ASS1: variants seen among roughly 807,000 people sequenced by gnomAD.
The protein encoded by ASS1 is argininosuccinate synthase 1, also known as argininosuccinate synthase.
Under a neutral mutation model 60.5 loss-of-function variants are expected in ASS1, and 58 were observed. That is an observed-to-expected ratio of 0.96 (90% CI 0.78 to 1.19). The LOEUF is 1.19. Among genes scored for constraint, ASS1 ranks in the 50% most tolerant of loss-of-function variants. The pLI is 0.00. For missense variants in ASS1, 454 were observed against 547.3 expected (o/e 0.83, Z 1.70); for synonymous variants, 200 against 206.9 (o/e 0.97, Z 0.29).
chr9:130,490,148 C>G (rs1022096362), intron 12 of ASS1, among the ~76,000 whole-genome samples: 1 of 152,192 alleles, frequency 6.6e-6, no homozygotes, highest in African/African-American at 2.4e-5. Context: ...GTGAGGAGCC[C>G]GGGTTTCCAT....
chr9:130,497,589 C>T (rs1846636563), intron 13 of ASS1, among the ~76,000 whole-genome samples: 1 of 152,186 alleles, frequency 6.6e-6, no homozygotes, highest in Non-Finnish European at 1.5e-5. Flanking sequence ...CCTGAGAAAC[C>T]CCTCTTGGAA....
chr9:130,457,583 C>G (rs1845475494), intron 3 of ASS1, among the ~76,000 whole-genome samples: 1 of 152,186 alleles, frequency 6.6e-6, no homozygotes, highest in African/African-American at 2.4e-5. Context: ...TCAGTCTTGG[C>G]CTTGTTCCCG....
chr9:130,489,347 C>T lies in ASS1; in HGVS notation c.853C>T (p.Pro285Ser), dbSNP rs1414109637. The T allele has an allele frequency of 2.5e-6, 4 of 1,613,912 alleles. No individual in the cohort carries two copies. Among genetic ancestry groups the T allele is most frequent in the African/African-American group, 1.3e-5 (1 of 74,952 alleles). Residue 285 changes from proline (P) to serine (S), a missense_variant, in exon 12 of 15, where the codon CCA becomes TCA. By Grantham distance (74) the Pro-to-Ser change is moderately conservative. Transcript: ENST00000352480. The surrounding 1 kb of genome is among the most constrained non-coding windows in gnomAD (Gnocchi z 4.1). The stretch of plus-strand genomic sequence containing the variant: ...AAAATGGCTAGGTATCTACGAGACC[C>T]CAGCAGGCACCATCCTTTACCATGC... ...GMKSRGIYET[P>S]AGTILYHAHL...
At chr9:130,465,619 T>C (rs1564907131) in intron 5 of ASS1, among the ~76,000 whole-genome samples, 1 of 152,214 alleles carries the variant, frequency 6.6e-6, no homozygotes, top group Non-Finnish European at 1.5e-5. Context: ...CGCTTTGGGC[T>C]CAAGCTCTGG....
Position 130,474,010 on chromosome 9 carries a change from C to T in ASS1, c.597+2495C>T, listed in dbSNP as rs1465567016. Among the ~76,000 whole-genome samples the T allele has an allele frequency of 1.1e-4, 13 of 116,688 alleles. No homozygotes were observed. In the South Asian group the frequency reaches 5.1e-3, roughly 46 times the overall value. The allele number at this position is 116,688 out of a possible 152,430, so 76.6% of individuals were successfully genotyped here. On this transcript the variant is annotated intron_variant, in intron 8 of 14. Transcript: ENST00000352480. The stretch of plus-strand genomic sequence containing the variant: ...CTTTCTTTCGCCCTCTCCCCCTAGC[C>T]CCCACCCCGACTCTCTCTCTCTCTT...
chr9:130,477,026 C>A lies in ASS1; in HGVS notation c.688+65C>A. ...TTGGGGCCCTGGCTCCTTTCCCCTC[C>A]CTGCCTGGGAACCTAGGCCCTCTTT... On this transcript the variant is annotated intron_variant, in intron 9 of 14. Coordinates refer to ENST00000352480, the MANE Select transcript of ASS1 (RefSeq NM_054012.4). The surrounding 1 kb of genome is among the most constrained non-coding windows in gnomAD (Gnocchi z 4.2). 6.6e-7 allele frequency: 1 copy of A among 1,521,190 alleles called. No individual in the cohort carries two copies. The highest frequency in any genetic ancestry group is 2.3e-5 in the East Asian group (1 of 44,286). The allele number at this position is 1,521,190 out of a possible 1,614,324, so 94.2% of individuals were successfully genotyped here. A position where few individuals can be genotyped will look rare whatever the true frequency, so the allele number is the denominator to read the frequency against.
At chr9:130,448,899 ACCCCAG>A (rs1311679432) in intron 1 of ASS1, among the ~76,000 whole-genome samples, 1 of 152,152 alleles carries the variant, frequency 6.6e-6, no homozygotes, top group Non-Finnish European at 1.5e-5. Context: ...GCTTCAGGGC[ACCCCAG>A]CCCTCTTTTT....
intron 10 of ASS1, among the ~76,000 whole-genome samples, chr9:130,480,062 T>A (rs144190102): frequency 4.9e-4 from 75 of 152,318 alleles, no homozygotes; most frequent in African/African-American, 1.7e-3. Flanking sequence ...CTCAGGCCCT[T>A]GGCTGGATGG....
chr9:130,448,108 C>T (rs1457587811), intron 1 of ASS1, among the ~76,000 whole-genome samples: 2 of 151,918 alleles, frequency 1.3e-5, no homozygotes, highest in Non-Finnish European at 2.9e-5. Flanking sequence ...CCTCCCCCGA[C>T]ATCAAACCCT....
In ASS1 at chr9:130,470,771, G is replaced by T; in HGVS notation, c.496-63G>T. Reference sequence around the variant, plus strand: ...GGCTCTCTGAAAAAGCAGGGCCCCTGGGACGGACCTCACGCGTCCTTCCAG... The same window carrying T: ...GGCTCTCTGAAAAAGCAGGGCCCCTTGGACGGACCTCACGCGTCCTTCCAG... On this transcript the variant is annotated intron_variant, in intron 6 of 14. Transcript: ENST00000352480. The surrounding 1 kb of genome is among the most constrained non-coding windows in gnomAD (Gnocchi z 4.3). 1.3e-6 allele frequency: 2 copies of T among 1,504,554 alleles called. No individual in the cohort carries two copies. Among genetic ancestry groups the T allele is most frequent in the Non-Finnish European group, 1.8e-6 (2 of 1,081,242 alleles). 93.2% of individuals were successfully genotyped at this position (1,504,554 alleles called of 1,614,324 possible).
In ASS1 at chr9:130,501,222, G is replaced by T; in HGVS notation, c.*201G>T. ...GAAGGGAAGGGTGGGGGGCAGCTGCGGTGGGGAGCTATAAAAATGACAATT... is the reference window on the plus strand; with the variant it reads ...GAAGGGAAGGGTGGGGGGCAGCTGCTGTGGGGAGCTATAAAAATGACAATT... On this transcript the variant is annotated 3_prime_UTR_variant, in exon 15 of 15. Coordinates refer to ENST00000352480, the MANE Select transcript of ASS1 (RefSeq NM_054012.4). 1 of 607,728 alleles carries T rather than the reference G, an allele frequency of 1.6e-6. No individual in the cohort carries two copies. Among genetic ancestry groups the T allele is most frequent in the Non-Finnish European group, 2.9e-6 (1 of 342,764 alleles). The allele number at this position is 607,728 out of a possible 1,614,324, so 37.6% of individuals were successfully genotyped here.
rs183384106 is a variant in ASS1, at chr9:130,478,744, G to A, written c.689-972G>A. Among the ~76,000 whole-genome samples the A allele has an allele frequency of 4.7e-3, 710 of 152,210 alleles. 2 individuals carry two copies. Among genetic ancestry groups the A allele is most frequent in the Non-Finnish European group, 6.7e-3 (456 of 68,018 alleles). The stretch of plus-strand genomic sequence containing the variant: ...AGGAGAGGCGGGGGGTGGTGAGAGG[G>A]GCTTAAGGTTCATTATTGGGCAGAC... On this transcript the variant is annotated intron_variant, in intron 9 of 14. Coordinates refer to ENST00000352480, the MANE Select transcript of ASS1 (RefSeq NM_054012.4). This position sits in a 1 kb window ranked among gnomAD's most constrained non-coding sequence, Gnocchi z 4.7.
intron 11 of ASS1, among the ~76,000 whole-genome samples, chr9:130,483,568 G>A (rs957675627): frequency 6.6e-6 from 1 of 151,736 alleles, no homozygotes; most frequent in East Asian, 2.0e-4. Context: ...GGGAGGAGAA[G>A]GGGGGCAAGG....
At position 130,471,361 on chromosome 9, in the gene ASS1, A is replaced by G; in HGVS notation, c.567-124A>G. The G allele has an allele frequency of 6.5e-6, 8 of 1,232,516 alleles. No individual in the cohort carries two copies. The South Asian group carries it at 8.7e-5, about 13-fold the overall frequency. The allele number at this position is 1,232,516 out of a possible 1,614,324, so 76.3% of individuals were successfully genotyped here. On this transcript the variant is annotated intron_variant, in intron 7 of 14. Coordinates refer to ENST00000352480, the MANE Select transcript of ASS1 (RefSeq NM_054012.4). Reference sequence around the variant, plus strand: ...AGAATGTTTCAGGCAGGTTGGCAGCAGATGCTCTGGCAGAGAGTAAAAGGC... The same window carrying G: ...AGAATGTTTCAGGCAGGTTGGCAGCGGATGCTCTGGCAGAGAGTAAAAGGC...
At chr9:130,465,018 T>C (rs543825497) in intron 5 of ASS1, among the ~76,000 whole-genome samples, 3 of 146,902 alleles carry the variant, frequency 2.0e-5, no homozygotes, top group African/African-American at 4.9e-5. Flanking sequence ...ATGTATTACA[T>C]ATAAATACAT....
rs61257215 is a variant in ASS1, at chr9:130,461,497, G to A, written c.364-2614G>A. On this transcript the variant is annotated intron_variant, in intron 4 of 14. Coordinates refer to ENST00000352480, the MANE Select transcript of ASS1 (RefSeq NM_054012.4). ...CCCAAGCTAGTGCTATGGCCGCTCG[G>A]GACTTGGGGGCGTCCCTGCATTCAC... Among the ~76,000 whole-genome samples, 771 of 152,304 alleles carry A rather than the reference G, an allele frequency of 5.1e-3. 8 individuals carry two copies. The highest frequency in any genetic ancestry group is 0.018 in the African/African-American group (746 of 41,554).
intron 1 of ASS1, among the ~76,000 whole-genome samples, chr9:130,448,422 G>GCGCGCA (rs71387350): frequency 0.088 from 12,605 of 143,252 alleles, 697 homozygotes; most frequent in South Asian, 0.11. Context: ...GTGTGCGCGC[G>GCGCGCA]CACACACACA....
In ASS1 at chr9:130,491,820, G is replaced by A. The variant is rs2118871790; in HGVS notation, c.970+2356G>A. Reference sequence around the variant, plus strand: ...GGAGAGTAGGGGCTTCTTCTGGGTAGTTATCACTAATATTAACTTTGCCCT... The same window carrying A: ...GGAGAGTAGGGGCTTCTTCTGGGTAATTATCACTAATATTAACTTTGCCCT... On this transcript the variant is annotated intron_variant, in intron 12 of 14. Coordinates refer to ENST00000352480, the MANE Select transcript of ASS1 (RefSeq NM_054012.4). This position sits in a 1 kb window ranked among gnomAD's most constrained non-coding sequence, Gnocchi z 5.3. Among the ~76,000 whole-genome samples, 1 of 152,298 alleles carries A rather than the reference G, an allele frequency of 6.6e-6. No homozygotes were observed. Among genetic ancestry groups the A allele is most frequent in the South Asian group, 2.1e-4 (1 of 4,828 alleles).
At chr9:130,450,239 C>A in intron 1 of ASS1, 1 of 987,330 alleles carries the variant, frequency 1.0e-6, no homozygotes, top group Non-Finnish European at 1.2e-6. Flanking sequence ...GCCCAGGCTA[C>A]CTGCAGGCAG....
Sources: allele counts gnomAD v4.1 joint callset (sites outside exome capture counted in the v4.1 genomes callset), GRCh38; gene constraint gnomAD v4.1.1; non-coding constraint Gnocchi (gnomAD v3.1); transcripts MANE v1.5; gene names NCBI Gene and HGNC (gene_info 2026-07-23, HGNC 2026-07-21).